The following KANTR variants were observed in gnomAD, a reference collection of about 807,000 sequenced individuals.
KANTR encodes KANTR integral membrane protein.
At chrX:53,103,517 C>T (rs1932913124) in intron 2 of KANTR, among the ~76,000 whole-genome samples, 2 of 110,953 alleles carry the variant, frequency 1.8e-5, no homozygotes, top group Non-Finnish European at 3.8e-5. Context: ...CATTCCTGGG[C>T]GGACAGTCTC....
chrX:53,118,274 G>A (rs782583762), intron 2 of KANTR, among the ~76,000 whole-genome samples: 184 of 111,993 alleles, frequency 1.6e-3, no homozygotes, highest in African/African-American at 5.7e-3. Context: ...AAATGTATGA[G>A]ATCCCGTTGA....
chrX:53,141,220 A>C (rs1392136365), intron 2 of KANTR, among the ~76,000 whole-genome samples: 1 of 112,340 alleles, frequency 8.9e-6, no homozygotes, highest in Non-Finnish European at 1.9e-5. Context: ...TGTTTCACAC[A>C]GTTCCCTCTT....
At chrX:53,116,989 A>T (rs1556814667) in intron 2 of KANTR, among the ~76,000 whole-genome samples, 1 of 111,830 alleles carries the variant, frequency 8.9e-6, no homozygotes, top group Non-Finnish European at 1.9e-5. Context: ...TAGATATATG[A>T]TAAAAGAATA....
chrX:53,116,165 G>T (rs1933120179), intron 2 of KANTR, among the ~76,000 whole-genome samples: 1 of 111,590 alleles, frequency 9.0e-6, no homozygotes, highest in African/African-American at 3.3e-5. Flanking sequence ...ATTCCTAGGG[G>T]TCACACCTGG....
chrX:53,139,038 G>A (rs918068304), intron 2 of KANTR, among the ~76,000 whole-genome samples: 6 of 109,510 alleles, frequency 5.5e-5, no homozygotes, highest in Admixed American at 2.9e-4. Context: ...AACCAGACAT[G>A]GTGAAACACC....
At chrX:53,112,170 T>C (rs1343106223) in intron 2 of KANTR, among the ~76,000 whole-genome samples, 2 of 111,003 alleles carry the variant, frequency 1.8e-5, no homozygotes, top group East Asian at 2.8e-4. Context: ...GTCATTCTTA[T>C]TGCCTTTGCA....
At chrX:53,130,189 CAT>C (rs1933344442), downstream of KANTR, among the ~76,000 whole-genome samples, 2 of 112,287 alleles carry the variant, frequency 1.8e-5, no homozygotes, top group South Asian at 3.7e-4. Context: ...TGTTTCCAAA[CAT>C]ATATATTTCG....
chrX:53,111,779 T>C (rs1602118545), intron 2 of KANTR, among the ~76,000 whole-genome samples: 1 of 111,259 alleles, frequency 9.0e-6, no homozygotes. Context: ...TATCACTAGA[T>C]ACAGAAACTA....
chrX:53,142,199 G>A (rs1434152549), exon 3 of KANTR: 1 of 124,524 alleles, frequency 8.0e-6, no homozygotes, highest in Non-Finnish European at 1.6e-5. Flanking sequence ...GTATTAAACA[G>A]ATACCAAGGG....
chrX:53,137,623 G>A (rs782585389), intron 2 of KANTR, among the ~76,000 whole-genome samples: 10 of 110,207 alleles, frequency 9.1e-5, no homozygotes, highest in Non-Finnish European at 1.9e-4. Context: ...TACAAAATTA[G>A]CCAGACATGG....
intron 2 of KANTR, among the ~76,000 whole-genome samples, chrX:53,106,953 GA>G (rs1247886244): frequency 1.8e-5 from 2 of 109,460 alleles, no homozygotes; most frequent in African/African-American, 3.4e-5. Flanking sequence ...CCCCATCTCT[GA>G]AAAAAATAAT....
At chrX:53,147,824 C>T (rs1258537487) in intron 3 of KANTR, among the ~76,000 whole-genome samples, 1 of 111,367 alleles carries the variant, frequency 9.0e-6, no homozygotes, top group African/African-American at 3.3e-5. Flanking sequence ...CACTCAAAAC[C>T]GCTCAACTAC....
intron 2 of KANTR, among the ~76,000 whole-genome samples, chrX:53,140,144 A>T (rs782539873): frequency 3.5e-4 from 39 of 112,001 alleles, no homozygotes; most frequent in African/African-American, 1.2e-3. Flanking sequence ...GGCTGATGGG[A>T]GTGTGGACTA....
chrX:53,128,030 G>A, downstream of KANTR, among the ~76,000 whole-genome samples: 1 of 111,383 alleles, frequency 9.0e-6, no homozygotes, highest in Non-Finnish European at 1.9e-5. Context: ...GTGAGAACAG[G>A]CTGTGTGGGG....
downstream of KANTR, among the ~76,000 whole-genome samples, chrX:53,128,695 C>A (rs1933320561): frequency 9.0e-6 from 1 of 110,993 alleles, no homozygotes; most frequent in African/African-American, 3.3e-5. Flanking sequence ...TAATTATATT[C>A]TCTTATTTTT....
At chrX:53,095,109 T>C (rs970795906) in intron 1 of KANTR, among the ~76,000 whole-genome samples, 1 of 112,389 alleles carries the variant, frequency 8.9e-6, no homozygotes, top group Non-Finnish European at 1.9e-5. Context: ...TCTGGTGTCA[T>C]TGAAGAGAGA....
chrX:53,135,192 A>T (rs1161251269), intron 2 of KANTR, among the ~76,000 whole-genome samples: 2 of 112,180 alleles, frequency 1.8e-5, no homozygotes, highest in Non-Finnish European at 3.8e-5. Context: ...CCAAACCTTC[A>T]TACCTTGGAA....
At chrX:53,145,685 A>G (rs782394951), downstream of KANTR, among the ~76,000 whole-genome samples, 50 of 112,257 alleles carry the variant, frequency 4.5e-4, no homozygotes, top group Non-Finnish European at 7.5e-4. Flanking sequence ...AGATCTGAGA[A>G]TGGACAGACT....
intron 2 of KANTR, among the ~76,000 whole-genome samples, chrX:53,106,716 T>C (rs1339501905): frequency 2.7e-5 from 3 of 110,766 alleles, no homozygotes; most frequent in Non-Finnish European, 5.6e-5. Context: ...TTAATATTTG[T>C]GTATAGCGTG....
Sources: gnomAD v4.1 joint callset for allele counts (sites outside exome capture counted in the v4.1 genomes callset) on GRCh38, gnomAD v4.1.1 for gene constraint, MANE v1.5 for transcripts, NCBI Gene and HGNC (gene_info 2026-07-23, HGNC 2026-07-21) for gene names.